Variants in C13orf46 observed in about 807,000 individuals in gnomAD.
The protein encoded by C13orf46 is uncharacterized protein C13orf46.
At chr13:113,965,330 A>G (rs2138986766) in intron 5 of C13orf46, among the ~76,000 whole-genome samples, 1 of 152,318 alleles carries the variant, frequency 6.6e-6, no homozygotes, top group African/African-American at 2.4e-5. Flanking sequence ...TGAGGGCAAA[A>G]GGGAGAGAAG....
At position 113,965,752 on chromosome 13, in the gene C13orf46, A is replaced by G. The variant is rs1196368314; in HGVS notation, c.505-758T>C. Among the ~76,000 whole-genome samples, 19 of 47,782 alleles carry G rather than the reference A, an allele frequency of 4.0e-4. 1 individual carries two copies. The South Asian group carries it at 0.012, about 31-fold the overall frequency. The allele number at this position is 47,782 out of a possible 152,430, so 31.3% of individuals were successfully genotyped here. ...GATGGTGAAGGTGATGATGGTGATG[A>G]TGGTGATGGTGATGATGGTGATGGT... On this transcript the variant is annotated intron_variant, in intron 5 of 6. Transcript: ENST00000636427.
At chr13:113,945,211 G>A in the C13orf46 span, among the ~76,000 whole-genome samples, 7 of 152,076 alleles carry the variant, frequency 4.6e-5, no homozygotes, top group Non-Finnish European at 7.4e-5. Flanking sequence ...GCATCTTCCC[G>A]GGAACAGCAG....
At chr13:113,971,153 G>A (rs538821108) in intron 1 of C13orf46, among the ~76,000 whole-genome samples, 9 of 152,318 alleles carry the variant, frequency 5.9e-5, no homozygotes, top group East Asian at 3.9e-4. Flanking sequence ...GAATGTTTGC[G>A]GAGACCCTGG....
the C13orf46 span, among the ~76,000 whole-genome samples, chr13:113,930,418 CGAGGCGGGGGCGCGGGAGCACT>C: frequency 1.7e-5 from 2 of 119,366 alleles, no homozygotes; most frequent in African/African-American, 7.4e-5. Context: ...GCAGGAGCAC[CGAGGCGGGGGCGCGGGAGCACT>C]GAGGCTGAGC....
In C13orf46 at chr13:113,956,397, AGAG is replaced by A. The variant is rs1361502666; in HGVS notation, c.*373_*375del. 2.1e-5 allele frequency: 3 copies of A among 146,020 alleles called. No homozygotes were observed. Among genetic ancestry groups the A allele is most frequent in the African/African-American group, 9.0e-5 (3 of 33,412 alleles). The allele number at this position is 146,020 out of a possible 1,614,324, so 9.0% of individuals were successfully genotyped here. ...GGTGGAGAGGAGGAGCATCTGGTGG[AGAG>A]GAGGAGCATCTGGTGGAGAGGAGGA... On this transcript the variant is annotated 3_prime_UTR_variant, in exon 7 of 7. Transcript: ENST00000636427.
rs2052511220 is a variant in C13orf46, at chr13:113,954,992, TC to T, written c.*1780del. The T allele has an allele frequency of 1.3e-5, 1 of 79,456 alleles. No individual in the cohort carries two copies. The highest frequency in any genetic ancestry group is 3.0e-5 in the Non-Finnish European group (1 of 33,744). The allele number at this position is 79,456 out of a possible 1,614,324, so 4.9% of individuals were successfully genotyped here. ...GATCTGGCGGAGACGAGGAGGAGGA[TC>T]TGGCAGAGAGGAGGAGTAGGATCTG... On this transcript the variant is annotated 3_prime_UTR_variant, in exon 7 of 7. Coordinates refer to ENST00000636427, the MANE Select transcript of C13orf46 (RefSeq NM_001365455.2).
chr13:113,952,017 CAG>C (rs1199954768), downstream of C13orf46, among the ~76,000 whole-genome samples: 1 of 151,510 alleles, frequency 6.6e-6, no homozygotes, highest in Admixed American at 6.6e-5. Context: ...TAAACCCAGA[CAG>C]AGAAAACTCT....
At chr13:113,971,009 C>T (rs192247753) in intron 1 of C13orf46, among the ~76,000 whole-genome samples, 3 of 152,292 alleles carry the variant, frequency 2.0e-5, no homozygotes, top group Admixed American at 6.5e-5. Flanking sequence ...TCTCCGTTCC[C>T]AGGAGCTTGC....
intron 6 of C13orf46, among the ~76,000 whole-genome samples, chr13:113,959,098 G>A (rs2052566172): frequency 6.6e-6 from 1 of 152,050 alleles, no homozygotes; most frequent in South Asian, 2.1e-4. Flanking sequence ...CCAACATAGG[G>A]AGATCCCCAT....
chr13:113,955,063 CGGGGA>C lies in C13orf46; in HGVS notation c.*1705_*1709del, dbSNP rs2052512512. 6.8e-5 allele frequency: 11 copies of C among 161,112 alleles called. 1 individual carries two copies. Among genetic ancestry groups the C allele is most frequent in the African/African-American group, 3.4e-4 (11 of 32,476 alleles). The allele number at this position is 161,112 out of a possible 1,614,324, so 10.0% of individuals were successfully genotyped here. On this transcript the variant is annotated 3_prime_UTR_variant, in exon 7 of 7. Coordinates refer to ENST00000636427, the MANE Select transcript of C13orf46 (RefSeq NM_001365455.2). ...TCTGGCGGAGAGGAGGAGCATCCGGCGGGGATGAGGAGCATCCAGTGGGGATGAGG... is the reference window on the plus strand; with the variant it reads ...TCTGGCGGAGAGGAGGAGCATCCGGCTGAGGAGCATCCAGTGGGGATGAGG...
chr13:113,939,901 G>A, the C13orf46 span, among the ~76,000 whole-genome samples: 1 of 152,344 alleles, frequency 6.6e-6, no homozygotes, highest in Non-Finnish European at 1.5e-5. Context: ...ACACTGGCCT[G>A]GGTCATCAAG....
chr13:113,929,967 C>T, the C13orf46 span, among the ~76,000 whole-genome samples: 3 of 152,232 alleles, frequency 2.0e-5, no homozygotes, highest in Non-Finnish European at 4.4e-5. Flanking sequence ...CTGGGAGCAG[C>T]AGCCAAAAAG....
chr13:113,927,768 C>T, the C13orf46 span: 1 of 396,542 alleles, frequency 2.5e-6, no homozygotes, highest in Non-Finnish European at 4.4e-6. Context: ...GGCAGACAGA[C>T]TCCCACTCGG....
At chr13:113,969,520 C>T (rs1170274447) in intron 2 of C13orf46, among the ~76,000 whole-genome samples, 5 of 152,364 alleles carry the variant, frequency 3.3e-5, no homozygotes, top group African/African-American at 1.2e-4. Context: ...CGGCCGGACA[C>T]CTTCCTTGGT....
At chr13:113,952,968 G>A (rs972849881), downstream of C13orf46, among the ~76,000 whole-genome samples, 1,321 of 152,324 alleles carry the variant, frequency 8.7e-3, 17 homozygotes, top group African/African-American at 0.026. Context: ...GCGTAGACCT[G>A]TTTCCTCAGG....
chr13:113,963,135 C>G (rs1008423783), intron 6 of C13orf46, among the ~76,000 whole-genome samples: 1 of 152,158 alleles, frequency 6.6e-6, no homozygotes, highest in African/African-American at 2.4e-5. Flanking sequence ...GCAAGGATGC[C>G]GCTTGGCAGG....
chr13:113,958,857 G>A (rs1459311179), intron 6 of C13orf46, among the ~76,000 whole-genome samples: 2 of 151,664 alleles, frequency 1.3e-5, no homozygotes, highest in Non-Finnish European at 1.5e-5. Flanking sequence ...TGCACGTGGT[G>A]GGGTCTCTCC....
chr13:113,963,697 C>A (rs2052611435), intron 6 of C13orf46, among the ~76,000 whole-genome samples: 1 of 152,202 alleles, frequency 6.6e-6, no homozygotes, highest in Non-Finnish European at 1.5e-5. Flanking sequence ...TGTCCTCAGC[C>A]TCAGCTGCAG....
the C13orf46 span, among the ~76,000 whole-genome samples, chr13:113,943,287 A>G: frequency 3.3e-5 from 5 of 152,202 alleles, no homozygotes; most frequent in African/African-American, 7.2e-5. Flanking sequence ...CATTTTAGGG[A>G]GAATGAGACT....
Sources: gnomAD v4.1 joint callset for allele counts (sites outside exome capture counted in the v4.1 genomes callset) on GRCh38, gnomAD v4.1.1 for gene constraint, MANE v1.5 for transcripts, NCBI Gene and HGNC (gene_info 2026-07-23, HGNC 2026-07-21) for gene names.